The following THSD4 variants were observed in gnomAD, a reference collection of about 807,000 sequenced individuals.
THSD4 encodes the protein thrombospondin type-1 domain-containing protein 4.
A neutral mutation model predicts 119.0 loss-of-function variants in THSD4; 69 were observed. The observed-to-expected ratio is 0.58, with a 90% CI of 0.48 to 0.71. The LOEUF (loss-of-function observed/expected upper bound fraction) is 0.71. Ranked by LOEUF, THSD4 falls within the 30% of genes least tolerant of loss-of-function variation. The pLI is 0.00. For missense variants in THSD4, 1,393 were observed against 1,391.1 expected (o/e 1.00, Z -0.02); for synonymous variants, 524 against 540.4 (o/e 0.97, Z 0.42).
At chr15:71,728,451 A>T (rs2052906705) in intron 8 of THSD4, 98 bp from the exon 9 acceptor site, 1 of 1,440,428 alleles carries the variant, frequency 6.9e-7, no homozygotes, top group Non-Finnish European at 9.5e-7. Context: ...CCTGTCAAAA[A>T]CCTTGATGAA....
intron 3 of THSD4, 123 bp from the exon 4 acceptor site, chr15:71,214,912 A>G (rs528010434): frequency 8.4e-7 from 1 of 1,197,516 alleles, no homozygotes; most frequent in Admixed American, 4.5e-5. Flanking sequence ...GATTGTATTA[A>G]TACTTATCTT....
At chr15:71,169,440 A>G (rs944885980) in intron 3 of THSD4, among the ~76,000 whole-genome samples, 2 of 152,230 alleles carry the variant, frequency 1.3e-5, no homozygotes, top group African/African-American at 2.4e-5. Flanking sequence ...CAAGATAAAT[A>G]TGGACATATA....
Position 71,746,874 on chromosome 15 carries a change from C to T in THSD4, c.2073C>T (p.Thr691=). Reference sequence around the variant, plus strand: ...GGGAGTGGTCTGAGTGCAGCAAGACCTGTGGCCTGGGCATGCAGCACCGCC... The same window carrying T: ...GGGAGTGGTCTGAGTGCAGCAAGACTTGTGGCCTGGGCATGCAGCACCGCC... ...DIGEWSECSK[T]CGLGMQHRQV... Residue 691 remains threonine (T), a synonymous_variant, in exon 13 of 18, where the codon ACC becomes ACT. Coordinates refer to ENST00000261862, the MANE Select transcript of THSD4 (RefSeq NM_024817.3). 6.2e-7 allele frequency: 1 copy of T among 1,614,130 alleles called. No homozygotes were observed. The highest frequency in any genetic ancestry group is 8.5e-7 in the Non-Finnish European group (1 of 1,180,038).
At chr15:71,200,726 A>G (rs1251463984) in intron 3 of THSD4, among the ~76,000 whole-genome samples, 1 of 152,234 alleles carries the variant, frequency 6.6e-6, no homozygotes, top group South Asian at 2.1e-4. Flanking sequence ...TTTATAGGCC[A>G]TGACCATCAT....
chr15:71,331,414 G>A (rs2045419336), intron 6 of THSD4, among the ~76,000 whole-genome samples: 1 of 152,230 alleles, frequency 6.6e-6, no homozygotes, highest in Non-Finnish European at 1.5e-5. Flanking sequence ...GAGACTTGGA[G>A]TTATCAGTCT....
intron 7 of THSD4, among the ~76,000 whole-genome samples, chr15:71,616,373 G>A (rs922540943): frequency 2.6e-5 from 4 of 152,172 alleles, no homozygotes; most frequent in Non-Finnish European, 5.9e-5. Flanking sequence ...ACTACATCAT[G>A]TTCCATTCTT....
At chr15:71,192,928 C>T (rs763533612) in intron 3 of THSD4, among the ~76,000 whole-genome samples, 12 of 152,252 alleles carry the variant, frequency 7.9e-5, no homozygotes, top group Non-Finnish European at 1.8e-4. Context: ...TCATGGGAAT[C>T]GTTTTTCTTC....
intron 4 of THSD4, among the ~76,000 whole-genome samples, chr15:71,232,832 C>G (rs1376025346): frequency 6.6e-6 from 1 of 152,104 alleles, no homozygotes; most frequent in African/African-American, 2.4e-5. Flanking sequence ...GTGGGTCTTT[C>G]AAATAGAGAG....
intron 1 of THSD4, among the ~76,000 whole-genome samples, chr15:71,109,011 C>CA (rs527375532): frequency 2.0e-5 from 3 of 151,852 alleles, no homozygotes; most frequent in Admixed American, 6.5e-5. Flanking sequence ...AACAAACAAA[C>CA]AAAAAAACAA....
At chr15:71,156,551 C>T (rs1295667338) in intron 3 of THSD4, among the ~76,000 whole-genome samples, 3 of 152,136 alleles carry the variant, frequency 2.0e-5, no homozygotes, top group Non-Finnish European at 2.9e-5. Context: ...AGGTGTGAGC[C>T]GCTGCACTGG....
rs570710336 is a variant in THSD4, at chr15:71,555,865, C to T, written c.1153-104665C>T. On this transcript the variant is annotated intron_variant, in intron 7 of 17. Coordinates refer to ENST00000261862, the MANE Select transcript of THSD4 (RefSeq NM_024817.3). ...TTAAGGGATCTAATTTTCTTTTTTC[C>T]CCATATTGGCAATGAGTTACTACAG... Among the ~76,000 whole-genome samples the T allele has an allele frequency of 2.6e-5, 4 of 152,018 alleles. No individual in the cohort carries two copies. In the South Asian group the frequency reaches 8.3e-4, roughly 32 times the overall value.
chr15:71,540,406 G>A (rs185044198), intron 7 of THSD4, among the ~76,000 whole-genome samples: 4 of 145,382 alleles, frequency 2.8e-5, no homozygotes, highest in African/African-American at 1.0e-4. Flanking sequence ...AAAGTGCTGG[G>A]ATTACAGGCC....
chr15:71,752,433 C>A (rs116425877), intron 14 of THSD4, among the ~76,000 whole-genome samples: 1 of 152,146 alleles, frequency 6.6e-6, no homozygotes, highest in East Asian at 1.9e-4. Flanking sequence ...CTCTTTCGTT[C>A]GTTTTGGAAA....
At chr15:71,223,947 C>T (rs1396380616) in intron 4 of THSD4, among the ~76,000 whole-genome samples, 1 of 152,118 alleles carries the variant, frequency 6.6e-6, no homozygotes, top group African/African-American at 2.4e-5. Context: ...AGAAGAAGTA[C>T]TCCTTATCCT....
rs148674931 is a variant in THSD4, at chr15:71,441,593, C to T, written c.1152+29770C>T. 1.5e-3 allele frequency among the ~76,000 whole-genome samples: 225 copies of T among 151,576 alleles called. 1 individual carries two copies. Among genetic ancestry groups the T allele is most frequent in the Non-Finnish European group, 2.8e-3 (190 of 67,910 alleles). ...TATTTTTAGTAGAGACGGGGTTTCA[C>T]TATGTTGGCCAGGCTGGTCTCGAAC... On this transcript the variant is annotated intron_variant, in intron 7 of 17. Coordinates refer to ENST00000261862, the MANE Select transcript of THSD4 (RefSeq NM_024817.3).
At chr15:71,556,328 C>T (rs921887700) in intron 7 of THSD4, among the ~76,000 whole-genome samples, 1 of 152,082 alleles carries the variant, frequency 6.6e-6, no homozygotes, top group East Asian at 1.9e-4. Flanking sequence ...TAAAGTTTTA[C>T]AATTTTCTAC....
intron 7 of THSD4, among the ~76,000 whole-genome samples, chr15:71,621,354 G>T (rs911017538): frequency 6.6e-6 from 1 of 152,202 alleles, no homozygotes; most frequent in Non-Finnish European, 1.5e-5. Context: ...CCCATGAGTT[G>T]CTAGGACAGT....
At chr15:71,719,029 CTT>C (rs2052664692) in intron 8 of THSD4, among the ~76,000 whole-genome samples, 1 of 152,180 alleles carries the variant, frequency 6.6e-6, no homozygotes, top group Non-Finnish European at 1.5e-5. Flanking sequence ...TTATTTGAGG[CTT>C]AAACATACAT....
chr15:71,413,292 C>T (rs1369687855), intron 7 of THSD4, among the ~76,000 whole-genome samples: 1 of 152,216 alleles, frequency 6.6e-6, no homozygotes, highest in Non-Finnish European at 1.5e-5. Context: ...GGTTTACAGG[C>T]GTGAGCCACC....
Sources: gnomAD v4.1 joint callset for allele counts (sites outside exome capture counted in the v4.1 genomes callset) on GRCh38, gnomAD v4.1.1 for gene constraint, MANE v1.5 for transcripts, NCBI Gene and HGNC (gene_info 2026-07-23, HGNC 2026-07-21) for gene names.